COL12A1: variants seen among roughly 807,000 people sequenced by gnomAD.
COL12A1 encodes the protein collagen alpha-1(XII) chain.
In COL12A1, 114 loss-of-function variants were observed where a neutral mutation model predicts 349.7. That is an observed-to-expected ratio of 0.33 (90% CI 0.28 to 0.38). The LOEUF is 0.38. COL12A1 is among the 10% of genes least tolerant of loss of function. The pLI is 1.00. For missense variants in COL12A1, 3,284 were observed against 3,756.9 expected (o/e 0.87, Z 3.29); for synonymous variants, 1,369 against 1,329.0 (o/e 1.03, Z -0.66).
At chr6:75,110,684 G>A (rs1402872322) in intron 51 of COL12A1, among the ~76,000 whole-genome samples, 2 of 151,952 alleles carry the variant, frequency 1.3e-5, no homozygotes, top group East Asian at 1.9e-4. Flanking sequence ...AGCTTTTCAA[G>A]AGAATCCCCA....
intron 16 of COL12A1, 75 bp downstream of exon 16, chr6:75,155,587 A>C: frequency 7.2e-7 from 1 of 1,390,132 alleles, no homozygotes; most frequent in Non-Finnish European, 9.9e-7. Flanking sequence ...TGTAAAGCCT[A>C]CTAATTTACA....
At position 75,130,942 on chromosome 6, in the gene COL12A1, G is replaced by A. The variant is rs199501842; in HGVS notation, c.5977C>T (p.Arg1993Trp). 17 of 1,614,084 alleles carry A rather than the reference G, an allele frequency of 1.1e-5. No individual in the cohort carries two copies. The highest frequency in any genetic ancestry group is 4.5e-5 in the East Asian group (2 of 44,872). Residue 1993 changes from arginine (R) to tryptophan (W), a missense_variant, in exon 36 of 66, where the codon CGG becomes TGG. This residue lies in a region of COL12A1 where 2,601 missense variants were observed against 2,824.8 expected (regional missense o/e 0.92). Coordinates refer to ENST00000322507, the MANE Select transcript of COL12A1 (RefSeq NM_004370.6). ...GAATAGAGTGTGTCCGGAATCAGCC[G>A]CTCCAGATGCACCATGCGCGTGTTT... is the stretch of plus-strand genomic sequence containing the variant. ...PGNTRMVHLE[R>W]LIPDTLYSVN... is the part of the protein sequence containing the mutation.
chr6:75,184,046 C>A lies in COL12A1; in HGVS notation c.1096G>T (p.Val366Phe). The change falls in exon 9 of 66, where the codon GTC becomes TTC. Residue 366 changes from valine (V) to phenylalanine (F), a missense_variant. Val to Phe is a conservative substitution (Grantham distance 50). Transcript: ENST00000322507. ...PSPSPVTGYK[V>F]ILTPMTAGSR... The stretch of plus-strand genomic sequence containing the variant: ...CCTGCAGTCATTGGTGTGAGGATGA[C>A]TTTGTAGCCAGTCACTGGACTAGGA... 6.2e-7 allele frequency: 1 copy of A among 1,614,168 alleles called. No individual in the cohort carries two copies.
At chr6:75,099,534 A>C (rs1405685813) in intron 58 of COL12A1, among the ~76,000 whole-genome samples, 1 of 152,226 alleles carries the variant, frequency 6.6e-6, no homozygotes, top group Non-Finnish European at 1.5e-5. Flanking sequence ...TTTAGAGGAA[A>C]TATATTCGTA....
intron 30 of COL12A1, 139 bp downstream of exon 30, chr6:75,138,181 C>A (rs1766715235): frequency 1.1e-6 from 1 of 912,680 alleles, no homozygotes; most frequent in Non-Finnish European, 1.6e-6. Context: ...TCAAGAAAAG[C>A]CTATGTAAAA....
At position 75,115,847 on chromosome 6, in the gene COL12A1, C is replaced by T. The variant is rs1231865326; in HGVS notation, c.7634G>A (p.Gly2545Glu). The T allele has an allele frequency of 6.2e-7, 1 of 1,613,580 alleles. No individual in the cohort carries two copies. The highest frequency in any genetic ancestry group is 8.5e-7 in the Non-Finnish European group (1 of 1,179,670). Residue 2545 changes from glycine to glutamate, a missense_variant, in exon 49 of 66, where the codon GGG becomes GAG. Transcript: ENST00000322507. ...ASVQGVSLES[G>E]SFPSYSAYRI... ...GTATGCTGAGTAGCTGGGGAAAGAC[C>T]CTGACTCCAAAGATACTCCTTGTAC...
chr6:75,122,283 T>C (rs1554171278), intron 43 of COL12A1, among the ~76,000 whole-genome samples: 1 of 152,072 alleles, frequency 6.6e-6, no homozygotes, highest in Non-Finnish European at 1.5e-5. Context: ...ACTTAGCATA[T>C]AGAAGTATAA....
rs1464226114 is a variant in COL12A1, at chr6:75,085,199, G to A, written c.*1348C>T. 4.3e-6 allele frequency: 2 copies of A among 467,168 alleles called. No individual in the cohort carries two copies. Among genetic ancestry groups the A allele is most frequent in the Non-Finnish European group, 4.4e-6 (1 of 226,140 alleles). The allele number at this position is 467,168 out of a possible 1,614,324, so 28.9% of individuals were successfully genotyped here. On this transcript the variant is annotated 3_prime_UTR_variant, in exon 66 of 66. Coordinates refer to ENST00000322507, the MANE Select transcript of COL12A1 (RefSeq NM_004370.6). ...GCGCGTGATCTCTGGTTCACTGCCCGGGTCCGTGGGGCAGGGCGCGCCGCC... is the reference window on the plus strand; with the variant it reads ...GCGCGTGATCTCTGGTTCACTGCCCAGGTCCGTGGGGCAGGGCGCGCCGCC...
At chr6:75,192,797 G>T (rs137866167) in intron 3 of COL12A1, among the ~76,000 whole-genome samples, 58 of 152,162 alleles carry the variant, frequency 3.8e-4, no homozygotes, top group African/African-American at 1.3e-3. Flanking sequence ...AACCCCATAG[G>T]TTAAGACCAA....
rs770271823 is a variant in COL12A1 at position 75,155,896 on chromosome 6, T to C, written c.3251-42A>G. On this transcript the variant is annotated intron_variant, in intron 15 of 65. Coordinates refer to ENST00000322507, the MANE Select transcript of COL12A1 (RefSeq NM_004370.6). ...ATTTTTAAAATATTATCTGTAAGAC[T>C]AGGCTTTGGGGTTTCTTTTTTATTA... The C allele has an allele frequency of 7.8e-6, 12 of 1,546,600 alleles. No individual in the cohort carries two copies. The African/African-American group carries it at 1.5e-4, about 20-fold the overall frequency.
In COL12A1 at chr6:75,194,990, C is replaced by T. The variant is rs371693223; in HGVS notation, c.74-43G>A. The T allele has an allele frequency of 8.3e-6, 9 of 1,078,396 alleles. No individual in the cohort carries two copies. The African/African-American group carries it at 1.4e-4, about 17-fold the overall frequency. The allele number at this position is 1,078,396 out of a possible 1,614,324, so 66.8% of individuals were successfully genotyped here. ...TATATTATTAAACTTTTCAATGTCA[C>T]AAAATGGTCAATTTAATTAATAAAG... On this transcript the variant is annotated intron_variant, in intron 2 of 65. Coordinates refer to ENST00000322507, the MANE Select transcript of COL12A1 (RefSeq NM_004370.6).
intron 6 of COL12A1, 74 bp downstream of exon 6, chr6:75,189,478 T>C (rs779154755): frequency 1.9e-6 from 3 of 1,577,258 alleles, no homozygotes; most frequent in South Asian, 2.4e-5. Context: ...TAATATGTAA[T>C]AGGCAATGCA....
chr6:75,137,395 TG>T, intron 31 of COL12A1, 41 bp downstream of exon 31: 3 of 1,511,188 alleles, frequency 2.0e-6, no homozygotes, highest in Non-Finnish European at 2.7e-6. Flanking sequence ...TGAAGAGAAA[TG>T]GTAGAATTAA....
intron 46 of COL12A1, 112 bp from the exon 47 acceptor site, chr6:75,117,658 C>A: frequency 8.9e-7 from 1 of 1,122,992 alleles, no homozygotes; most frequent in Middle Eastern, 2.1e-4. Context: ...TTAATGTATG[C>A]AGCAAGTCCT....
intron 14 of COL12A1, among the ~76,000 whole-genome samples, chr6:75,158,531 C>T (rs1279424685): frequency 6.6e-6 from 1 of 152,004 alleles, no homozygotes; most frequent in Non-Finnish European, 1.5e-5. Context: ...CAAACTAAGA[C>T]AACACATAAT....
In COL12A1 at chr6:75,148,338, T is replaced by A; in HGVS notation, c.4287+20A>T. ...AATCTCAACATCAGGAAGAAGTAAG[T>A]TATAGGTGTTCCTACTCACTTCTTG... is the stretch of plus-strand genomic sequence containing the variant. On this transcript the variant is annotated intron_variant, in intron 22 of 65. Transcript: ENST00000322507. The A allele has an allele frequency of 3.1e-6, 5 of 1,607,916 alleles. No homozygotes were observed. Among genetic ancestry groups the A allele is most frequent in the Non-Finnish European group, 3.4e-6 (4 of 1,176,942 alleles).
At chr6:75,173,094 T>C (rs1042771260) in intron 13 of COL12A1, among the ~76,000 whole-genome samples, 2 of 152,182 alleles carry the variant, frequency 1.3e-5, no homozygotes, top group Non-Finnish European at 1.5e-5. Context: ...TTTGTAGACA[T>C]AGAGTATTTT....
rs537461612 is a variant in COL12A1 at position 75,120,032 on chromosome 6, AT to A, written c.7087-560del. Among the ~76,000 whole-genome samples the A allele has an allele frequency of 1.1e-4, 16 of 152,150 alleles. No individual in the cohort carries two copies. The East Asian group carries it at 1.7e-3, about 17-fold the overall frequency. On this transcript the variant is annotated intron_variant, in intron 44 of 65. Coordinates refer to ENST00000322507, the MANE Select transcript of COL12A1 (RefSeq NM_004370.6). ...GCATTTAATAGCTATGTGACAATGG[AT>A]TTTTTTTATCAGTAAAATGAGGATA...
At position 75,137,424 on chromosome 6, in the gene COL12A1, A is replaced by T; in HGVS notation, c.5394+13T>A. On this transcript the variant is annotated intron_variant, in intron 31 of 65. Coordinates refer to ENST00000322507, the MANE Select transcript of COL12A1 (RefSeq NM_004370.6). ...AGAATTAATCCAAGTTATAATTTTT[A>T]TTAAAAAATTACCGTTTGCTCATTG... 1 of 1,553,058 alleles carries T rather than the reference A, an allele frequency of 6.4e-7. No homozygotes were observed. Among genetic ancestry groups the T allele is most frequent in the Non-Finnish European group, 8.7e-7 (1 of 1,152,108 alleles).
Sources: gnomAD v4.1 joint callset for allele counts (sites outside exome capture counted in the v4.1 genomes callset) on GRCh38, gnomAD v4.1.1 for gene constraint, gnomAD v4.1.1 regional missense constraint, MANE v1.5 for transcripts, NCBI Gene and HGNC (gene_info 2026-07-23, HGNC 2026-07-21) for gene names.